Variants in TFEC observed in about 807,000 individuals in gnomAD.
TFEC encodes the protein transcription factor EC, also known as class E basic helix-loop-helix protein 34.
In TFEC, 31 loss-of-function variants were observed where a neutral mutation model predicts 41.6. The observed-to-expected ratio is 0.74, with a 90% CI of 0.56 to 1.01. The LOEUF (loss-of-function observed/expected upper bound fraction) is 1.01. TFEC is among the 50% of genes least tolerant of loss of function. The pLI is 0.00. For synonymous variants in TFEC, 143 were observed against 140.6 expected (o/e 1.02, Z -0.12); for missense variants, 402 against 404.1 (o/e 0.99, Z 0.04).
chr7:115,946,259 C>T (rs548548633), intron 6 of TFEC, among the ~76,000 whole-genome samples: 46 of 150,320 alleles, frequency 3.1e-4, no homozygotes, highest in Non-Finnish European at 5.0e-4. Flanking sequence ...GCTCTTCAGA[C>T]CCTAAATGTC....
At position 116,118,901 on chromosome 7, in the gene TFEC, G is replaced by A. The variant is rs192520867; in HGVS notation, c.-68-6863C>T. Among the ~76,000 whole-genome samples the A allele has an allele frequency of 3.2e-4, 49 of 151,758 alleles. No homozygotes were observed. In the East Asian group the frequency reaches 4.1e-3, roughly 13 times the overall value. On this transcript the variant is annotated intron_variant, in intron 1 of 8. Transcript: ENST00000484212. ...ATAAATGGGATCCTGGTTATAGGTC[G>A]GCAGCATAATAAAATAACTATCTGT...
chr7:116,056,888 G>T (rs73220436), intron 3 of TFEC, among the ~76,000 whole-genome samples: 26,923 of 151,808 alleles, frequency 0.18, 2,441 homozygotes, highest in East Asian at 0.32. Context: ...ACAGATATTA[G>T]AATTAGAAGA....
At chr7:116,082,007 A>G (rs1223346465) in intron 3 of TFEC, among the ~76,000 whole-genome samples, 1 of 151,846 alleles carries the variant, frequency 6.6e-6, no homozygotes, top group Non-Finnish European at 1.5e-5. Context: ...GAAGAATTTT[A>G]CTTATATCTT....
chr7:116,144,284 A>G (rs7808705), intron 1 of TFEC, among the ~76,000 whole-genome samples: 73,414 of 151,832 alleles, frequency 0.48, 18,248 homozygotes, highest in East Asian at 0.7. Flanking sequence ...TCACTCATCT[A>G]GGTATTTGGA....
intron 1 of TFEC, among the ~76,000 whole-genome samples, chr7:116,001,427 G>T (rs768899438): frequency 6.6e-6 from 1 of 151,476 alleles, no homozygotes; most frequent in African/African-American, 2.4e-5. Context: ...CCCTGGAGGC[G>T]GAAGTTGCAG....
chr7:116,108,639 A>G (rs569083752), intron 3 of TFEC, among the ~76,000 whole-genome samples: 12 of 152,236 alleles, frequency 7.9e-5, no homozygotes, highest in African/African-American at 2.9e-4. Flanking sequence ...TCTGCCACTT[A>G]CTAGATGTGC....
chr7:115,985,771 T>C (rs1413434377), intron 1 of TFEC, among the ~76,000 whole-genome samples: 12 of 152,164 alleles, frequency 7.9e-5, no homozygotes, highest in African/African-American at 2.9e-4. Context: ...ATTATATTGC[T>C]ATGAGCTTTA....
At position 116,072,203 on chromosome 7, in the gene TFEC, T is replaced by G. The variant is rs75135649; in HGVS notation, c.198+38505A>C. ...GTTCTAATAGCTTTAGAGCAAATTCTTTAGAATTTTCTATGTATAAGACCA... is the reference window on the plus strand; with the variant it reads ...GTTCTAATAGCTTTAGAGCAAATTCGTTAGAATTTTCTATGTATAAGACCA... On this transcript the variant is annotated intron_variant, in intron 3 of 8. Coordinates refer to the TFEC transcript ENST00000484212. 1.1e-3 allele frequency among the ~76,000 whole-genome samples: 169 copies of G among 151,734 alleles called. 1 individual carries two copies. In the East Asian group the frequency reaches 0.028, roughly 25 times the overall value.
At chr7:115,999,777 C>A (rs563224296) in intron 1 of TFEC, among the ~76,000 whole-genome samples, 67 of 149,830 alleles carry the variant, frequency 4.5e-4, no homozygotes, top group African/African-American at 1.4e-3. Context: ...CAAGATTGAA[C>A]CACGAAGAAA....
chr7:116,019,085 T>C (rs995450396), intron 1 of TFEC, among the ~76,000 whole-genome samples: 12 of 151,656 alleles, frequency 7.9e-5, no homozygotes, highest in African/African-American at 2.7e-4. Context: ...AGCCAATGGA[T>C]TAGGAGACTC....
intron 1 of TFEC, among the ~76,000 whole-genome samples, chr7:116,020,624 G>C (rs547934225): frequency 4.6e-5 from 7 of 151,988 alleles, no homozygotes; most frequent in Non-Finnish European, 8.8e-5. Context: ...TTTCCTTGTC[G>C]TAATCACACA....
At chr7:115,974,095 G>T in intron 3 of TFEC, 75 bp downstream of exon 3, 3 of 1,210,888 alleles carry the variant, frequency 2.5e-6, no homozygotes, top group Non-Finnish European at 2.3e-6. Context: ...AGCACCAGTT[G>T]CTAATCAAAT....
chr7:116,021,088 TATATG>T (rs1795377661), intron 1 of TFEC, among the ~76,000 whole-genome samples: 1 of 152,206 alleles, frequency 6.6e-6, no homozygotes, highest in South Asian at 2.1e-4. Flanking sequence ...CCTGGGAACT[TATATG>T]AAAGTACATT....
In TFEC at chr7:116,101,473, A is replaced by G. The variant is rs182733227; in HGVS notation, c.198+9235T>C. ...AAGATGAAGGTAGAATCAGAAAGTA[A>G]CAACTTTAAATAAGTTTAACATATA... On this transcript the variant is annotated intron_variant, in intron 3 of 8. Coordinates refer to the TFEC transcript ENST00000484212. Among the ~76,000 whole-genome samples the G allele has an allele frequency of 3.1e-3, 479 of 152,324 alleles. 2 individuals carry two copies. The highest frequency in any genetic ancestry group is 0.011 in the African/African-American group (459 of 41,572).
At chr7:116,037,120 T>C (rs1034050169) in intron 3 of TFEC, among the ~76,000 whole-genome samples, 14 of 152,088 alleles carry the variant, frequency 9.2e-5, no homozygotes, top group African/African-American at 3.4e-4. Flanking sequence ...GAATAATTTA[T>C]TGTTACATTA....
exon 2 of TFEC, chr7:116,111,998 C>G: frequency 1.0e-6 from 1 of 986,714 alleles, no homozygotes; most frequent in Non-Finnish European, 1.2e-6. Context: ...ATACCTTTTA[C>G]TTTCTGATTT....
chr7:116,029,019 C>T (rs1365404512), intron 1 of TFEC, among the ~76,000 whole-genome samples: 1 of 152,046 alleles, frequency 6.6e-6, no homozygotes, highest in Non-Finnish European at 1.5e-5. Context: ...CTATCTAGAA[C>T]TTACAACAAA....
At chr7:116,153,236 G>C (rs1798797563) in intron 1 of TFEC, among the ~76,000 whole-genome samples, 1 of 149,554 alleles carries the variant, frequency 6.7e-6, no homozygotes, top group Admixed American at 6.7e-5. Flanking sequence ...GCGATGTTGT[G>C]GGTGTTTTTG....
At chr7:116,060,389 T>G (rs1796525506) in intron 3 of TFEC, among the ~76,000 whole-genome samples, 1 of 152,108 alleles carries the variant, frequency 6.6e-6, no homozygotes, top group South Asian at 2.1e-4. Context: ...TATAAACCAT[T>G]CTACCATAAA....
Sources: gnomAD v4.1 joint callset for allele counts (sites outside exome capture counted in the v4.1 genomes callset) on GRCh38, gnomAD v4.1.1 for gene constraint, MANE v1.5 for transcripts, NCBI Gene and HGNC (gene_info 2026-07-23, HGNC 2026-07-21) for gene names.